CACNA2D4: variants seen among roughly 807,000 people sequenced by gnomAD.
CACNA2D4 encodes voltage-dependent calcium channel subunit alpha-2/delta-4.
In CACNA2D4, 157 loss-of-function variants were observed where a neutral mutation model predicts 163.8. The observed-to-expected ratio is 0.96, with a 90% CI of 0.84 to 1.09. The LOEUF is 1.09. Ranked by LOEUF, CACNA2D4 falls within the 50% of genes least tolerant of loss-of-function variation. The pLI is 0.00. For missense variants in CACNA2D4, 1,410 were observed against 1,479.9 expected (o/e 0.95, Z 0.78); for synonymous variants, 598 against 586.9 (o/e 1.02, Z -0.27).
rs1865451797 is a variant in CACNA2D4, at chr12:1,858,565, G to A, written c.2008+12C>T. 4 of 1,613,136 alleles carry A rather than the reference G, an allele frequency of 2.5e-6. No individual in the cohort carries two copies. Among genetic ancestry groups the A allele is most frequent in the Middle Eastern group, 1.6e-4 (1 of 6,062 alleles). ...CTGCTTAACTGTCCCTCAGCCCCTG[G>A]TACCGACCCACCTTCTTCCACAGAC... On this transcript the variant is annotated intron_variant, in intron 20 of 37. Coordinates refer to ENST00000382722, the MANE Select transcript of CACNA2D4 (RefSeq NM_172364.5).
Position 1,799,780 on chromosome 12 carries a change from G to T in CACNA2D4, c.2975-85C>A. The T allele has an allele frequency of 2.0e-6, 3 of 1,492,428 alleles. No individual in the cohort carries two copies. Among genetic ancestry groups the T allele is most frequent in the Non-Finnish European group, 2.7e-6 (3 of 1,093,762 alleles). 92.4% of individuals were successfully genotyped at this position (1,492,428 alleles called of 1,614,324 possible). On this transcript the variant is annotated intron_variant, in intron 33 of 37. Transcript: ENST00000382722. This position sits in a 1 kb window ranked among gnomAD's most constrained non-coding sequence, Gnocchi z 4.7. ...TGAGGGCAGGATGTCATGGGGTGGT[G>T]ATGATGGCACATGGAGTGGCGGTGT... is the stretch of plus-strand genomic sequence containing the variant.
At chr12:1,821,211 A>C (rs1056552184) in intron 26 of CACNA2D4, among the ~76,000 whole-genome samples, 1 of 152,012 alleles carries the variant, frequency 6.6e-6, no homozygotes, top group African/African-American at 2.4e-5. Flanking sequence ...GGGTCATGGG[A>C]AGCGGTTGGG....
intron 6 of CACNA2D4, among the ~76,000 whole-genome samples, chr12:1,889,216 G>T (rs887203563): frequency 1.3e-5 from 2 of 152,188 alleles, no homozygotes; most frequent in African/African-American, 4.8e-5. Flanking sequence ...CCACTGTAAA[G>T]GAACTTCTGG....
chr12:1,867,696 G>T (rs969404698), intron 18 of CACNA2D4, among the ~76,000 whole-genome samples: 2 of 151,880 alleles, frequency 1.3e-5, no homozygotes, highest in Non-Finnish European at 2.9e-5. Flanking sequence ...TATATGGTTT[G>T]CAAATATTTT....
Position 1,840,748 on chromosome 12 carries a change from T to C in CACNA2D4, c.2542A>G (p.Ile848Val), listed in dbSNP as rs1865001492. The change falls in exon 26 of 38, where the codon ATT (isoleucine) becomes GTT (valine). Residue 848 changes from isoleucine to valine, a missense_variant. By Grantham distance (29) the Ile-to-Val change is conservative. Coordinates refer to ENST00000382722, the MANE Select transcript of CACNA2D4 (RefSeq NM_172364.5). ...CAAGGGCCGTTCCTACCTGCAGCAA[T>C]GGCTGTCCTCTTGTCCACGGTCACC... ...VAVTVDKRTA[I>V]AAAAGVQMKL... The C allele has an allele frequency of 1.9e-6, 3 of 1,613,664 alleles. No individual in the cohort carries two copies. In the South Asian group the frequency reaches 3.3e-5, roughly 18 times the overall value.
At chr12:1,885,219 G>A in intron 9 of CACNA2D4, 143 bp from the exon 10 acceptor site, 1 of 729,554 alleles carries the variant, frequency 1.4e-6, no homozygotes, top group Middle Eastern at 3.6e-4. Context: ...TGCAGTTCAT[G>A]GACTGGTCCT....
intron 18 of CACNA2D4, among the ~76,000 whole-genome samples, chr12:1,872,486 G>C (rs1443399314): frequency 1.3e-5 from 2 of 152,220 alleles, no homozygotes; most frequent in African/African-American, 4.8e-5. Flanking sequence ...CCTCAGCCTA[G>C]ACCTAGACCT....
chr12:1,900,782 T>C (rs757069176), intron 6 of CACNA2D4, among the ~76,000 whole-genome samples: 2 of 152,182 alleles, frequency 1.3e-5, no homozygotes, highest in Admixed American at 6.5e-5. Flanking sequence ...ATTTTCAGCA[T>C]TGGACAAATC....
In CACNA2D4 at chr12:1,799,800, C is replaced by T. The variant is rs1450709524; in HGVS notation, c.2975-105G>A. 7.7e-6 allele frequency: 11 copies of T among 1,425,334 alleles called. No homozygotes were observed. Among genetic ancestry groups the T allele is most frequent in the Middle Eastern group, 1.7e-4 (1 of 5,778 alleles). 88.3% of individuals were successfully genotyped at this position (1,425,334 alleles called of 1,614,324 possible). ...GTGGTGATGATGGCACATGGAGTGG[C>T]GGTGTCCCAAGATGATGTCACACAC... On this transcript the variant is annotated intron_variant, in intron 33 of 37. Coordinates refer to ENST00000382722, the MANE Select transcript of CACNA2D4 (RefSeq NM_172364.5). This position sits in a 1 kb window ranked among gnomAD's most constrained non-coding sequence, Gnocchi z 4.7.
intron 20 of CACNA2D4, among the ~76,000 whole-genome samples, chr12:1,858,178 C>T (rs1865441169): frequency 6.6e-6 from 1 of 152,198 alleles, no homozygotes; most frequent in South Asian, 2.1e-4. Context: ...GTGCTGGGAG[C>T]CTTAGCAAAT....
At chr12:1,905,711 T>C (rs963811219) in intron 6 of CACNA2D4, among the ~76,000 whole-genome samples, 5 of 152,116 alleles carry the variant, frequency 3.3e-5, no homozygotes, top group Non-Finnish European at 7.4e-5. Flanking sequence ...ACAGAAATAA[T>C]GGAAACACAT....
intron 29 of CACNA2D4, 122 bp downstream of exon 29, chr12:1,810,156 A>T: frequency 2.7e-6 from 2 of 741,276 alleles, no homozygotes; most frequent in South Asian, 3.3e-5. Flanking sequence ...CTTTCACCTG[A>T]ATTGGCCCCG....
At position 1,860,155 on chromosome 12, in the gene CACNA2D4, T is replaced by G; in HGVS notation, c.1930A>C (p.Thr644Pro). Residue 644 changes from threonine to proline, a missense_variant, in exon 19 of 38, where the codon ACC becomes CCC. Coordinates refer to ENST00000382722, the MANE Select transcript of CACNA2D4 (RefSeq NM_172364.5). Reference sequence around the variant, plus strand: ...GCCTGTGTCCCTCACCTGAAAGGGGTGTCGCTGATGTCCGTGAAGAAGTAG... The same window carrying G: ...GCCTGTGTCCCTCACCTGAAAGGGGGGTCGCTGATGTCCGTGAAGAAGTAG... ...NDYFFTDISDTPFSLGVVLSR... is the reference protein window; with the variant it reads ...NDYFFTDISDPPFSLGVVLSR... 6.2e-7 allele frequency: 1 copy of G among 1,613,278 alleles called. No individual in the cohort carries two copies.
Position 1,834,403 on chromosome 12 carries a change from T to C in CACNA2D4, c.2551+6336A>G, listed in dbSNP as rs1864760858. The C allele has an allele frequency of 6.2e-7, 1 of 1,613,010 alleles. No individual in the cohort carries two copies. The highest frequency in any genetic ancestry group is 8.5e-7 in the Non-Finnish European group (1 of 1,179,992). ...ATAGCTCAGCTGGGCTGGATATTCC[T>C]GGGCCACCCTGCACCAAGGCCAGTC... On this transcript the variant is annotated intron_variant, in intron 26 of 37. Coordinates refer to ENST00000382722, the MANE Select transcript of CACNA2D4 (RefSeq NM_172364.5). The surrounding 1 kb of genome is among the most constrained non-coding windows in gnomAD (Gnocchi z 7.6).
intron 11 of CACNA2D4, 105 bp downstream of exon 11, chr12:1,884,663 A>G (rs1866089792): frequency 2.7e-6 from 2 of 745,106 alleles, no homozygotes; most frequent in South Asian, 1.7e-5. Context: ...CTCTAATAGG[A>G]AAGCAGATTT....
chr12:1,840,737 A>G lies in CACNA2D4; in HGVS notation c.2551+2T>C. The G allele has an allele frequency of 6.2e-7, 1 of 1,613,122 alleles. No individual in the cohort carries two copies. Among genetic ancestry groups the G allele is most frequent in the Non-Finnish European group, 8.5e-7 (1 of 1,179,296 alleles). ...CCTCAACACCACAAGGGCCGTTCCT[A>G]CCTGCAGCAATGGCTGTCCTCTTGT... On this transcript the variant is annotated splice_donor_variant, in intron 26 of 37. Transcript: ENST00000382722. LOFTEE classifies it high-confidence loss of function.
intron 6 of CACNA2D4, among the ~76,000 whole-genome samples, chr12:1,906,287 G>A (rs1161324339): frequency 6.6e-6 from 1 of 152,072 alleles, no homozygotes; most frequent in African/African-American, 2.4e-5. Context: ...GACACCAAAG[G>A]CAAAGAAAAC....
In CACNA2D4 at chr12:1,795,756, G is replaced by C. The variant is rs771654229; in HGVS notation, c.3138C>G (p.Pro1046=). ...CQKVFVVQQI[P]NSNLLLLVTD... Reference sequence around the variant, plus strand: ...TCACCAGGAGGAGGAGGTTACTGTTGGGAATCTGCTGCACCACAAATACCC... The same window carrying C: ...TCACCAGGAGGAGGAGGTTACTGTTCGGAATCTGCTGCACCACAAATACCC... Residue 1046 remains proline, a synonymous_variant, in exon 36 of 38, where the codon CCC becomes CCG. Transcript: ENST00000382722. 6.5e-5 allele frequency: 105 copies of C among 1,612,450 alleles called. No individual in the cohort carries two copies. Among genetic ancestry groups the C allele is most frequent in the Non-Finnish European group, 8.2e-5 (97 of 1,178,622 alleles).
chr12:1,898,041 T>C (rs1866445533), intron 6 of CACNA2D4, among the ~76,000 whole-genome samples: 1 of 152,138 alleles, frequency 6.6e-6, no homozygotes. Context: ...GAGTTAAACA[T>C]TTAGAATAAA....
Sources: allele counts gnomAD v4.1 joint callset (sites outside exome capture counted in the v4.1 genomes callset), GRCh38; gene constraint gnomAD v4.1.1; non-coding constraint Gnocchi (gnomAD v3.1); transcripts MANE v1.5; gene names NCBI Gene and HGNC (gene_info 2026-07-23, HGNC 2026-07-21).